Variants in NPAT observed in about 807,000 individuals in gnomAD.
The protein encoded by NPAT is nuclear protein, coactivator of histone transcription.
Under a neutral mutation model 130.7 loss-of-function variants are expected in NPAT, and 52 were observed. The observed-to-expected ratio is 0.40, with a 90% CI of 0.32 to 0.50. NPAT has a LOEUF of 0.50. NPAT is among the 20% of genes least tolerant of loss of function. NPAT has a pLI of 0.68. For missense variants in NPAT, 1,687 were observed against 1,662.6 expected, an observed-to-expected ratio of 1.01 and a Z score of -0.26; for synonymous variants, 580 against 584.8, an observed-to-expected ratio of 0.99 and a Z score of 0.12.
At chr11:108,202,815 T>C (rs2078286848) in intron 1 of NPAT, among the ~76,000 whole-genome samples, 1 of 152,144 alleles carries the variant, frequency 6.6e-6, no homozygotes, top group Non-Finnish European at 1.5e-5. Context: ...TGTGGGTAGA[T>C]ATCTTCACTA....
intron 1 of NPAT, among the ~76,000 whole-genome samples, chr11:108,198,329 A>C (rs1257339197): frequency 6.6e-6 from 1 of 152,220 alleles, no homozygotes; most frequent in East Asian, 1.9e-4. Context: ...GAGTCAAAAA[A>C]CCAAAAATCT....
At chr11:108,217,943 A>T (rs1271674054) in intron 1 of NPAT, among the ~76,000 whole-genome samples, 1 of 152,202 alleles carries the variant, frequency 6.6e-6, no homozygotes, top group Non-Finnish European at 1.5e-5. Context: ...CAGTAAGCCA[A>T]GATCTCACTG....
chr11:108,181,502 T>C (rs1352238315), intron 10 of NPAT, among the ~76,000 whole-genome samples: 2 of 152,094 alleles, frequency 1.3e-5, no homozygotes, highest in African/African-American at 2.4e-5. Context: ...CAGCTATCTA[T>C]TGCACAACAA....
intron 13 of NPAT, chr11:108,170,322 C>T: frequency 7.6e-6 from 3 of 394,686 alleles, no homozygotes; most frequent in Non-Finnish European, 9.5e-6. Context: ...GCTGATCAAG[C>T]ATAAGACTCT....
intron 11 of NPAT, 57 bp downstream of exon 11, chr11:108,176,937 T>C (rs2078012173): frequency 8.8e-7 from 1 of 1,132,628 alleles, no homozygotes; most frequent in Admixed American, 1.7e-5. Context: ...CTGGTTAAGT[T>C]ACCAAAGAAA....
In NPAT at chr11:108,192,019, T is replaced by G. The variant is rs993881713; in HGVS notation, c.290+99A>C. The stretch of plus-strand genomic sequence containing the variant: ...CCTCTAGAGTAATTTCAAAACTGGA[T>G]GAGTGTTATATAAGTACACTGTGTA... On this transcript the variant is annotated intron_variant, in intron 4 of 17. Transcript: ENST00000278612. 8.3e-6 allele frequency: 7 copies of G among 841,656 alleles called. No individual in the cohort carries two copies. In the East Asian group the frequency reaches 1.7e-4, roughly 20 times the overall value. The allele number at this position is 841,656 out of a possible 1,614,324, so 52.1% of individuals were successfully genotyped here.
intron 17 of NPAT, 37 bp downstream of exon 17, chr11:108,160,843 A>G (rs2077839619): frequency 1.9e-6 from 3 of 1,575,680 alleles, no homozygotes; most frequent in Non-Finnish European, 2.6e-6. Flanking sequence ...AGCGGAAAAA[A>G]AAGGTGTGGT....
chr11:108,215,566 T>C (rs1279401599), intron 1 of NPAT, among the ~76,000 whole-genome samples: 1 of 152,238 alleles, frequency 6.6e-6, no homozygotes, highest in Non-Finnish European at 1.5e-5. Context: ...CTTCCAACTT[T>C]ATAACGTTCT....
At chr11:108,188,285 T>C in intron 6 of NPAT, 106 bp from the exon 7 acceptor site, 1 of 864,494 alleles carries the variant, frequency 1.2e-6, no homozygotes, top group Non-Finnish European at 2.0e-6. Flanking sequence ...TTAAATTCAA[T>C]TAACATGTAC....
intron 7 of NPAT, 86 bp from the exon 8 acceptor site, chr11:108,186,655 A>G: frequency 9.0e-7 from 1 of 1,111,218 alleles, no homozygotes; most frequent in East Asian, 2.6e-5. Flanking sequence ...AAATTTTAAG[A>G]TCACCATAAC....
At chr11:108,160,138 ACT>A (rs916990735) in intron 17 of NPAT, among the ~76,000 whole-genome samples, 3 of 145,130 alleles carry the variant, frequency 2.1e-5, no homozygotes, top group African/African-American at 5.1e-5. Context: ...ACAGCGCAAG[ACT>A]CTGTCTCAAA....
Position 108,197,303 on chromosome 11 carries a change from A to G in NPAT, c.155T>C (p.Leu52Pro). The change falls in exon 2 of 18, where the codon CTG becomes CCG. Residue 52 changes from leucine to proline, a missense_variant and splice_region_variant. By Grantham distance (98) the Leu-to-Pro change is moderately conservative. This residue lies in a region of NPAT where 307 missense variants were observed against 298.9 expected (regional missense o/e 1.03). Transcript: ENST00000278612. ...TDEGFIPACL[L>P]SLFGKNLTTI... ...TCCCTTAAGGAACAAATAACTCACC[A>G]GTAAGCAGGCTGGAATAAACCCTTC... 1 of 1,550,688 alleles carries G rather than the reference A, an allele frequency of 6.4e-7. No individual in the cohort carries two copies. The highest frequency in any genetic ancestry group is 8.9e-7 in the Non-Finnish European group (1 of 1,122,280).
At position 108,158,736 on chromosome 11, in the gene NPAT, T is replaced by G. The variant is rs763373380; in HGVS notation, c.*206A>C. 3.6e-5 allele frequency: 18 copies of G among 502,554 alleles called. 1 individual carries two copies. In the Middle Eastern group the frequency reaches 2.6e-3, roughly 74 times the overall value. The allele number at this position is 502,554 out of a possible 1,614,324, so 31.1% of individuals were successfully genotyped here. A position where few individuals can be genotyped will look rare whatever the true frequency, so the allele number is the denominator to read the frequency against. ...GGCTTTACTTACATTTCTGCAAACG[T>G]TTTTCCCAAAATAAAAATATACCAA... On this transcript the variant is annotated 3_prime_UTR_variant, in exon 18 of 18. Transcript: ENST00000278612.
chr11:108,214,190 T>G (rs1041141456), intron 1 of NPAT, among the ~76,000 whole-genome samples: 9 of 152,052 alleles, frequency 5.9e-5, no homozygotes, highest in African/African-American at 2.2e-4. Flanking sequence ...CCATTACAGC[T>G]GGCCTGCATT....
rs534734677 is a variant in NPAT at position 108,161,823 on chromosome 11, T to C, written c.3263A>G (p.Lys1088Arg). Residue 1088 changes from lysine to arginine, a missense_variant, in exon 17 of 18, where the codon AAA (lysine) becomes AGA (arginine). Around this residue, in one of 3 missense-constraint regions of NPAT, gnomAD observed 1,379 missense variants for 1,346.6 expected, o/e 1.02. Transcript: ENST00000278612. ...AGGAAAAGAGACTGCATTCCTTTCT[T>C]TGTTTTGGGACACCATCTTATGGTT... ...GPNHKMVSQNKERNAVSFPNL... is the reference protein window; with the variant it reads ...GPNHKMVSQNRERNAVSFPNL... 1.9e-6 allele frequency: 3 copies of C among 1,614,118 alleles called. No individual in the cohort carries two copies. The highest frequency in any genetic ancestry group is 1.1e-5 in the South Asian group (1 of 91,084).
chr11:108,213,014 C>T (rs1194644504), intron 1 of NPAT, among the ~76,000 whole-genome samples: 2 of 150,390 alleles, frequency 1.3e-5, no homozygotes, highest in Non-Finnish European at 3.0e-5. Context: ...GTGGCTCATG[C>T]CTATAATCCA....
chr11:108,194,123 G>A, intron 2 of NPAT, 106 bp from the exon 3 acceptor site: 1 of 680,246 alleles, frequency 1.5e-6, no homozygotes, highest in Non-Finnish European at 2.6e-6. Context: ...TGACTGCAGA[G>A]TAGCGATGAG....
intron 1 of NPAT, among the ~76,000 whole-genome samples, chr11:108,202,344 C>T (rs985433972): frequency 6.6e-6 from 1 of 152,114 alleles, no homozygotes; most frequent in Non-Finnish European, 1.5e-5. Flanking sequence ...GCAGCTAAGT[C>T]GGCAGCAAGA....
At chr11:108,200,722 T>A (rs2078268275) in intron 1 of NPAT, among the ~76,000 whole-genome samples, 2 of 152,160 alleles carry the variant, frequency 1.3e-5, no homozygotes, top group Non-Finnish European at 2.9e-5. Flanking sequence ...TGATATTGGA[T>A]GTACAAAAAC....
Sources: gnomAD v4.1 joint callset for allele counts (sites outside exome capture counted in the v4.1 genomes callset) on GRCh38, gnomAD v4.1.1 for gene constraint, gnomAD v4.1.1 regional missense constraint, MANE v1.5 for transcripts, NCBI Gene and HGNC (gene_info 2026-07-23, HGNC 2026-07-21) for gene names.